The following RSU1 variants were observed in gnomAD, a reference collection of about 807,000 sequenced individuals.
The protein encoded by RSU1 is Ras suppressor protein 1.
Under a neutral mutation model 31.1 loss-of-function variants are expected in RSU1, and 26 were observed. The ratio of observed to expected loss-of-function variants is 0.84; its 90% CI spans 0.61 to 1.16. The LOEUF (loss-of-function observed/expected upper bound fraction) is 1.16. RSU1 is among the 50% of genes most tolerant of loss of function. The pLI, the probability that RSU1 is intolerant of heterozygous loss-of-function variation, is 0.00. For synonymous variants in RSU1, 164 were observed against 136.3 expected, an observed-to-expected ratio of 1.20 and a Z score of -1.41; for missense variants, 320 against 339.1, an observed-to-expected ratio of 0.94 and a Z score of 0.44.
intron 7 of RSU1, among the ~76,000 whole-genome samples, chr10:16,708,724 T>C (rs183577664): frequency 1.3e-5 from 2 of 152,272 alleles, no homozygotes; most frequent in Admixed American, 6.5e-5. Flanking sequence ...ACAAAGTAGC[T>C]TGCCATTTAT....
At chr10:16,673,918 T>G (rs959657699) in intron 8 of RSU1, among the ~76,000 whole-genome samples, 1 of 152,182 alleles carries the variant, frequency 6.6e-6, no homozygotes, top group African/African-American at 2.4e-5. Flanking sequence ...GCTGTTTATT[T>G]TCAAGCAATT....
intron 7 of RSU1, among the ~76,000 whole-genome samples, chr10:16,717,993 TAAC>T: frequency 7.5e-6 from 1 of 133,610 alleles, no homozygotes; most frequent in Admixed American, 7.5e-5. Flanking sequence ...CAGTAACAAA[TAAC>T]AAAAAAAGAA....
intron 7 of RSU1, among the ~76,000 whole-genome samples, chr10:16,737,507 A>G (rs566554837): frequency 4.6e-5 from 7 of 152,140 alleles, no homozygotes; most frequent in African/African-American, 1.4e-4. Flanking sequence ...CCTGAAAAAA[A>G]ATTCCTCCAA....
chr10:16,662,944 A>G (rs903125552), intron 8 of RSU1, among the ~76,000 whole-genome samples: 2 of 151,546 alleles, frequency 1.3e-5, no homozygotes, highest in Non-Finnish European at 1.5e-5. Context: ...TGTGGTAATC[A>G]TAATTTCGGG....
rs1169011391 is a variant in RSU1, at chr10:16,782,070, T to C, written c.124A>G (p.Ile42Val). The C allele has an allele frequency of 1.2e-6, 2 of 1,612,516 alleles. No homozygotes were observed. Among genetic ancestry groups the C allele is most frequent in the Non-Finnish European group, 1.7e-6 (2 of 1,179,540 alleles). ...TTATGGCTGAGGACCAGTTGTGTGA[T>C]ATGGGATAAGGTAACTAAAAAGAAA... is the stretch of plus-strand genomic sequence containing the variant. ...DVNGLFTLSH[I>V]TQLVLSHNKL... The change falls in exon 3 of 9, where the codon ATC (isoleucine) becomes GTC (valine). Residue 42 changes from isoleucine to valine, a missense_variant. Transcript: ENST00000345264.
chr10:16,644,332 G>A (rs1834498138), intron 8 of RSU1, among the ~76,000 whole-genome samples: 2 of 152,144 alleles, frequency 1.3e-5, no homozygotes, highest in African/African-American at 4.8e-5. Flanking sequence ...GATAGTCTGA[G>A]GGATCTGAAT....
intron 3 of RSU1, among the ~76,000 whole-genome samples, chr10:16,774,722 T>C (rs1290198396): frequency 6.6e-6 from 1 of 152,232 alleles, no homozygotes; most frequent in Non-Finnish European, 1.5e-5. Flanking sequence ...AAGCCTCTGC[T>C]GGAATTACAA....
chr10:16,661,382 C>T (rs921749118), intron 8 of RSU1, among the ~76,000 whole-genome samples: 2 of 151,148 alleles, frequency 1.3e-5, no homozygotes, highest in East Asian at 1.9e-4. Flanking sequence ...CCTTAGGACA[C>T]GATTTTGTTA....
At chr10:16,640,269 G>C (rs572589521) in intron 8 of RSU1, among the ~76,000 whole-genome samples, 1 of 151,888 alleles carries the variant, frequency 6.6e-6, no homozygotes, top group African/African-American at 2.4e-5. Flanking sequence ...AACAACCCTT[G>C]ATATTTCACA....
At chr10:16,670,300 T>C (rs753107309) in intron 8 of RSU1, among the ~76,000 whole-genome samples, 1 of 152,214 alleles carries the variant, frequency 6.6e-6, no homozygotes, top group Non-Finnish European at 1.5e-5. Context: ...TACATAATCG[T>C]ACATGCTAAA....
chr10:16,630,783 G>C (rs1452150763), intron 8 of RSU1, among the ~76,000 whole-genome samples: 1 of 152,166 alleles, frequency 6.6e-6, no homozygotes, highest in Non-Finnish European at 1.5e-5. Context: ...AGGCAAATTA[G>C]ATAATCAAAC....
At chr10:16,659,091 A>G (rs1834839522) in intron 8 of RSU1, among the ~76,000 whole-genome samples, 1 of 152,228 alleles carries the variant, frequency 6.6e-6, no homozygotes, top group Middle Eastern at 3.4e-3. Flanking sequence ...TATCTTTCTT[A>G]AATGTTTTAG....
intron 7 of RSU1, among the ~76,000 whole-genome samples, chr10:16,732,453 G>C (rs1487945963): frequency 1.3e-5 from 2 of 152,164 alleles, no homozygotes; most frequent in Non-Finnish European, 2.9e-5. Flanking sequence ...CAAGAAAAAT[G>C]ATCTCTCTGC....
intron 8 of RSU1, among the ~76,000 whole-genome samples, chr10:16,671,619 G>T (rs1835106158): frequency 6.6e-6 from 1 of 150,814 alleles, no homozygotes; most frequent in Non-Finnish European, 1.5e-5. Context: ...TGACTCAAAG[G>T]TGTTTTTTTT....
chr10:16,753,549 C>T (rs1250574851), intron 5 of RSU1, among the ~76,000 whole-genome samples: 3 of 152,314 alleles, frequency 2.0e-5, no homozygotes, highest in African/African-American at 7.2e-5. Context: ...CGTGTTTCTA[C>T]AGCCTTAAGG....
At chr10:16,764,189 A>G (rs1162656814) in intron 4 of RSU1, among the ~76,000 whole-genome samples, 1 of 152,202 alleles carries the variant, frequency 6.6e-6, no homozygotes, top group African/African-American at 2.4e-5. Context: ...TTAGCCTCTC[A>G]ATTAGCTCTC....
At chr10:16,774,938 G>A (rs1165961653) in intron 3 of RSU1, among the ~76,000 whole-genome samples, 1 of 152,070 alleles carries the variant, frequency 6.6e-6, no homozygotes, top group Non-Finnish European at 1.5e-5. Flanking sequence ...GCGTGGTGGT[G>A]CACATCTATC....
At chr10:16,791,678 GAGAA>G (rs1347357343) in intron 2 of RSU1, among the ~76,000 whole-genome samples, 1 of 150,586 alleles carries the variant, frequency 6.6e-6, no homozygotes, top group Non-Finnish European at 1.5e-5. Context: ...AAAACTCCTA[GAGAA>G]AGAATCATTA....
intron 8 of RSU1, among the ~76,000 whole-genome samples, chr10:16,658,093 G>C (rs1834823962): frequency 6.6e-6 from 1 of 152,200 alleles, no homozygotes; most frequent in Admixed American, 6.5e-5. Context: ...GGGCTCAGTT[G>C]CTTGATTTCT....
Sources: gnomAD v4.1 joint callset for allele counts (sites outside exome capture counted in the v4.1 genomes callset) on GRCh38, gnomAD v4.1.1 for gene constraint, MANE v1.5 for transcripts, NCBI Gene and HGNC (gene_info 2026-07-23, HGNC 2026-07-21) for gene names.